Variants in COL23A1 observed in about 807,000 individuals in gnomAD.
The protein encoded by COL23A1 is collagen type XXIII alpha 1 chain, also known as collagen alpha-1(XXIII) chain.
COL23A1 carries 97 observed loss-of-function variants against 99.3 expected under a neutral mutation model. The observed-to-expected ratio is 0.98, with a 90% CI of 0.83 to 1.16. The LOEUF is 1.16. COL23A1 is among the 50% of genes most tolerant of loss of function. The probability of loss-of-function intolerance (pLI) is 0.00; values close to 1 mark genes in which losing one functional copy is unlikely to be tolerated. For synonymous variants in COL23A1, 320 were observed against 308.2 expected (o/e 1.04, Z -0.40); for missense variants, 762 against 757.4 (o/e 1.01, Z -0.07).
chr5:178,369,660 C>A (rs939486492), intron 2 of COL23A1, among the ~76,000 whole-genome samples: 2 of 152,084 alleles, frequency 1.3e-5, no homozygotes. Context: ...AGGGGAGTTT[C>A]CCTGCACACG....
chr5:178,256,420 C>T (rs1765302880), intron 14 of COL23A1, 23 bp from the exon 15 acceptor site: 2 of 1,599,472 alleles, frequency 1.3e-6, no homozygotes, highest in South Asian at 1.1e-5. Flanking sequence ...GCATTTGCAG[C>T]CAGAGGTGCA....
intron 1 of COL23A1, among the ~76,000 whole-genome samples, chr5:178,587,425 G>A (rs552747882): frequency 6.6e-6 from 1 of 152,258 alleles, no homozygotes; most frequent in Non-Finnish European, 1.5e-5. Context: ...CAAAGAGAGT[G>A]GGTCCCATAT....
At chr5:178,408,975 TACACACACACAC>T (rs61457266) in intron 2 of COL23A1, among the ~76,000 whole-genome samples, 3,489 of 101,550 alleles carry the variant, frequency 0.034, 115 homozygotes, top group African/African-American at 0.07. Context: ...AAAAAAAAAA[TACACACACACAC>T]ACACACACAC....
chr5:178,376,123 T>A (rs961606323), intron 2 of COL23A1, among the ~76,000 whole-genome samples: 1 of 152,176 alleles, frequency 6.6e-6, no homozygotes, highest in Non-Finnish European at 1.5e-5. Flanking sequence ...CACATCCCAG[T>A]GTGATGAAGG....
At chr5:178,246,536 C>G in intron 22 of COL23A1, 83 bp from the exon 23 acceptor site, 1 of 1,384,232 alleles carries the variant, frequency 7.2e-7, no homozygotes, top group Non-Finnish European at 9.9e-7. Context: ...TGCAAGGGAG[C>G]TGGGATGTGG....
At chr5:178,305,526 C>T (rs890858014) in intron 3 of COL23A1, among the ~76,000 whole-genome samples, 4 of 152,176 alleles carry the variant, frequency 2.6e-5, no homozygotes, top group African/African-American at 4.8e-5. Flanking sequence ...ATTTACATGC[C>T]TGGGGGCTGC....
At chr5:178,498,205 AATATATATATATATATATATAT>A (rs1159261586) in intron 2 of COL23A1, among the ~76,000 whole-genome samples, 147 of 34,690 alleles carry the variant, frequency 4.2e-3, no homozygotes, top group South Asian at 8.5e-3. Flanking sequence ...TCTTTATTTA[AATATATATATATATATATATAT>A]ATATATATAT....
Position 178,510,317 on chromosome 5 carries a change from G to A in COL23A1, c.361+50365C>T, listed in dbSNP as rs568694362. 2.1e-3 allele frequency among the ~76,000 whole-genome samples: 318 copies of A among 152,274 alleles called. 1 individual carries two copies. Among genetic ancestry groups the A allele is most frequent in the Non-Finnish European group, 3.8e-3 (259 of 68,010 alleles). On this transcript the variant is annotated intron_variant, in intron 2 of 28. Coordinates refer to ENST00000390654, the MANE Select transcript of COL23A1 (RefSeq NM_173465.4). ...TGCACTTTGGGAGGCCGAGGCGGGC[G>A]GATCACTTGAGGTCAGGAGTTCCGG...
intron 2 of COL23A1, among the ~76,000 whole-genome samples, chr5:178,518,825 GTCCGCTCC>G (rs1479343632): frequency 2.2e-4 from 33 of 147,920 alleles, no homozygotes; most frequent in Non-Finnish European, 3.9e-4. Flanking sequence ...CGCGGGGCCC[GTCCGCTCC>G]TCCAGCCGCT....
At chr5:178,332,813 C>T (rs539304699) in intron 2 of COL23A1, among the ~76,000 whole-genome samples, 8 of 151,958 alleles carry the variant, frequency 5.3e-5, no homozygotes, top group Non-Finnish European at 5.9e-5. Context: ...GCCCTGGAGA[C>T]GGGATATCCT....
chr5:178,367,341 G>A (rs2910113), intron 2 of COL23A1, among the ~76,000 whole-genome samples: 6,653 of 152,160 alleles, frequency 0.044, 152 homozygotes, highest in Middle Eastern at 0.071. Context: ...CTGTGTGCCC[G>A]TTTCTCCTCT....
rs775793743 is a variant in COL23A1 at position 178,415,615 on chromosome 5, C to T, written c.362-108696G>A. Among the ~76,000 whole-genome samples, 8 of 152,150 alleles carry T rather than the reference C, an allele frequency of 5.3e-5. No homozygotes were observed. Among genetic ancestry groups the T allele is most frequent in the African/African-American group, 1.2e-4 (5 of 41,432 alleles). ...TGCTGGCACCAGAGGACAGTGCTGC[C>T]CCCATCCCGCCCTGGCTCCATGAGG... On this transcript the variant is annotated intron_variant, in intron 2 of 28. Transcript: ENST00000390654. This position sits in a 1 kb window ranked among gnomAD's most constrained non-coding sequence, Gnocchi z 4.6.
chr5:178,412,274 G>C (rs1765093657), intron 2 of COL23A1, among the ~76,000 whole-genome samples: 1 of 152,300 alleles, frequency 6.6e-6, no homozygotes, highest in South Asian at 2.1e-4. Flanking sequence ...TCATTTGTGT[G>C]AGTTTGTGGA....
At chr5:178,563,882 A>G (rs1762726247) in intron 1 of COL23A1, among the ~76,000 whole-genome samples, 1 of 152,172 alleles carries the variant, frequency 6.6e-6, no homozygotes, top group Non-Finnish European at 1.5e-5. Context: ...GCAGATTTCA[A>G]AACGTACTTG....
intron 27 of COL23A1, among the ~76,000 whole-genome samples, chr5:178,241,451 G>A (rs1426208727): frequency 6.6e-6 from 1 of 152,158 alleles, no homozygotes; most frequent in African/African-American, 2.4e-5. Flanking sequence ...AGCCAGAGAG[G>A]TCAGGGTGGT....
chr5:178,427,604 G>A (rs1452368246), intron 2 of COL23A1, among the ~76,000 whole-genome samples: 1 of 152,174 alleles, frequency 6.6e-6, no homozygotes, highest in African/African-American at 2.4e-5. Context: ...ATTTAGCACT[G>A]AATAATATTC....
At chr5:178,442,290 T>C (rs894653678) in intron 2 of COL23A1, among the ~76,000 whole-genome samples, 1 of 152,188 alleles carries the variant, frequency 6.6e-6, no homozygotes, top group African/African-American at 2.4e-5. Flanking sequence ...TTCTGTTTGC[T>C]GGTAATTCCA....
intron 2 of COL23A1, among the ~76,000 whole-genome samples, chr5:178,354,797 C>CT (rs1277059154): frequency 3.3e-5 from 5 of 152,092 alleles, no homozygotes; most frequent in African/African-American, 1.2e-4. Flanking sequence ...TGGCTCATGC[C>CT]TGTAATCCTA....
Position 178,245,418 on chromosome 5 carries a change from C to T in COL23A1, c.1440+524G>A, listed in dbSNP as rs559456680. ...AGATGAATGGATGGATGAGTCCATT[C>T]AATCCTCCATCCATTCATCCATCAT... On this transcript the variant is annotated intron_variant, in intron 25 of 28. Coordinates refer to ENST00000390654, the MANE Select transcript of COL23A1 (RefSeq NM_173465.4). 4.0e-5 allele frequency among the ~76,000 whole-genome samples: 6 copies of T among 150,658 alleles called. No individual in the cohort carries two copies. The South Asian group carries it at 1.3e-3, about 32-fold the overall frequency.
Sources: gnomAD v4.1 joint callset for allele counts (sites outside exome capture counted in the v4.1 genomes callset) on GRCh38, gnomAD v4.1.1 for gene constraint, Gnocchi (gnomAD v3.1) non-coding constraint, MANE v1.5 for transcripts, NCBI Gene and HGNC (gene_info 2026-07-23, HGNC 2026-07-21) for gene names.